UBE2E2: variants seen among roughly 807,000 people sequenced by gnomAD.
UBE2E2 encodes the protein ubiquitin-conjugating enzyme E2 E2.
In UBE2E2, 6 loss-of-function variants were observed where a neutral mutation model predicts 24.7. The observed-to-expected ratio is 0.24, with a 90% CI of 0.13 to 0.48. The LOEUF (loss-of-function observed/expected upper bound fraction) is 0.48, where lower values mean the gene tolerates loss of function less well. Ranked by LOEUF, UBE2E2 falls within the 20% of genes least tolerant of loss-of-function variation. The pLI, the probability that UBE2E2 is intolerant of heterozygous loss-of-function variation, is 0.99. For synonymous variants in UBE2E2, 104 were observed against 83.6 expected (o/e 1.24, Z -1.33); for missense variants, 169 against 245.0 (o/e 0.69, Z 2.07).
At chr3:23,486,267 A>G (rs1214093339) in intron 3 of UBE2E2, among the ~76,000 whole-genome samples, 3 of 152,178 alleles carry the variant, frequency 2.0e-5, no homozygotes, top group Admixed American at 6.5e-5. Flanking sequence ...GCTGTACCAG[A>G]TACACCACAA....
intron 3 of UBE2E2, among the ~76,000 whole-genome samples, chr3:23,492,295 A>G (rs1699516433): frequency 6.6e-6 from 1 of 152,208 alleles, no homozygotes; most frequent in Non-Finnish European, 1.5e-5. Flanking sequence ...GGAAGGATGA[A>G]TTCAGTTACA....
At chr3:23,504,926 T>TTTTTTTTTTTTTTTTTTTTTTAAAGG (rs1232574541) in intron 4 of UBE2E2, among the ~76,000 whole-genome samples, 1 of 147,280 alleles carries the variant, frequency 6.8e-6, no homozygotes, top group Non-Finnish European at 1.5e-5. Flanking sequence ...TTTTTTTTTT[T>TTTTTTTTTTTTTTTTTTTTTTAAAGG]GAGACAGGGT....
At chr3:23,371,979 G>C (rs1696410878) in intron 3 of UBE2E2, among the ~76,000 whole-genome samples, 1 of 152,106 alleles carries the variant, frequency 6.6e-6, no homozygotes, top group African/African-American at 2.4e-5. Context: ...TTAGCCGGCT[G>C]TGGTGGTGGA....
chr3:23,446,528 T>C (rs953438000), intron 3 of UBE2E2, among the ~76,000 whole-genome samples: 2 of 152,086 alleles, frequency 1.3e-5, no homozygotes, highest in Non-Finnish European at 2.9e-5. Flanking sequence ...TATGGTCTCT[T>C]TGCCATTGTG....
intron 5 of UBE2E2, among the ~76,000 whole-genome samples, chr3:23,557,821 C>A (rs1695826770): frequency 6.6e-6 from 1 of 152,184 alleles, no homozygotes; most frequent in African/African-American, 2.4e-5. Context: ...TCTTTATCAG[C>A]AAGTCACTCT....
At chr3:23,289,495 T>C (rs1318992734) in intron 3 of UBE2E2, among the ~76,000 whole-genome samples, 1 of 152,234 alleles carries the variant, frequency 6.6e-6, no homozygotes, top group Non-Finnish European at 1.5e-5. Flanking sequence ...TTGCGACTTC[T>C]AGATACAATT....
chr3:23,419,053 A>G (rs1220013016), intron 3 of UBE2E2, among the ~76,000 whole-genome samples: 1 of 151,444 alleles, frequency 6.6e-6, no homozygotes, highest in South Asian at 2.1e-4. Flanking sequence ...TCCTGGGCCC[A>G]AGGGAACCTC....
chr3:23,403,809 A>G (rs1451502612), intron 3 of UBE2E2, among the ~76,000 whole-genome samples: 1 of 79,172 alleles, frequency 1.3e-5, no homozygotes, highest in Non-Finnish European at 2.4e-5. Context: ...TTCCGTCTCC[A>G]AAAAAAAAAA....
chr3:23,533,075 TAAAA>T (rs1695162256), intron 5 of UBE2E2, among the ~76,000 whole-genome samples: 1 of 152,202 alleles, frequency 6.6e-6, no homozygotes, highest in Non-Finnish European at 1.5e-5. Context: ...TGTGGGCTAT[TAAAA>T]TCTGATAACA....
chr3:23,500,452 A>T (rs146624845), intron 4 of UBE2E2, among the ~76,000 whole-genome samples: 2 of 152,164 alleles, frequency 1.3e-5, no homozygotes, highest in Admixed American at 6.5e-5. Flanking sequence ...TCTACTGCCT[A>T]TAAGTCGGAT....
intron 4 of UBE2E2, among the ~76,000 whole-genome samples, chr3:23,521,660 A>G (rs1694871311): frequency 6.6e-6 from 1 of 152,192 alleles, no homozygotes; most frequent in Admixed American, 6.5e-5. Context: ...GATGGCTTTG[A>G]ATGCGGCCAA....
intron 3 of UBE2E2, among the ~76,000 whole-genome samples, chr3:23,394,570 T>C (rs892251123): frequency 4.5e-4 from 69 of 152,180 alleles, no homozygotes; most frequent in African/African-American, 1.5e-3. Context: ...CAGTGAGGAC[T>C]TGAGGTATCA....
chr3:23,245,273 T>C (rs1040390081), intron 3 of UBE2E2, among the ~76,000 whole-genome samples: 3 of 152,144 alleles, frequency 2.0e-5, no homozygotes, highest in Non-Finnish European at 4.4e-5. Flanking sequence ...TGAAAGAAGA[T>C]GCAAAGAAAA....
intron 3 of UBE2E2, among the ~76,000 whole-genome samples, chr3:23,309,369 A>G (rs1699316792): frequency 6.6e-6 from 1 of 152,232 alleles, no homozygotes; most frequent in African/African-American, 2.4e-5. Flanking sequence ...ACATAGTTAC[A>G]ATAGCTTAGG....
intron 3 of UBE2E2, among the ~76,000 whole-genome samples, chr3:23,467,394 CAA>C (rs972237777): frequency 7.2e-5 from 11 of 152,162 alleles, no homozygotes; most frequent in Non-Finnish European, 1.6e-4. Context: ...CTGCTAGAAA[CAA>C]TGTGAATTTT....
chr3:23,561,127 A>T (rs1181596270), intron 5 of UBE2E2, among the ~76,000 whole-genome samples: 1 of 152,072 alleles, frequency 6.6e-6, no homozygotes, highest in Non-Finnish European at 1.5e-5. Context: ...GGTGTTTTAG[A>T]CATGAAGTCC....
chr3:23,224,794 G>A (rs1405802754), intron 3 of UBE2E2, among the ~76,000 whole-genome samples: 3 of 151,900 alleles, frequency 2.0e-5, no homozygotes, highest in Admixed American at 6.6e-5. Context: ...GAATAATGCT[G>A]TTATGAACAT....
chr3:23,485,785 G>A (rs1378245224), intron 3 of UBE2E2, among the ~76,000 whole-genome samples: 4 of 152,168 alleles, frequency 2.6e-5, no homozygotes, highest in African/African-American at 9.7e-5. Context: ...GAATTTAATG[G>A]GGAGAAGTAT....
intron 5 of UBE2E2, among the ~76,000 whole-genome samples, chr3:23,588,557 C>G (rs2125523652): frequency 6.6e-6 from 1 of 152,098 alleles, no homozygotes; most frequent in East Asian, 1.9e-4. Flanking sequence ...GCTAATATTA[C>G]AAGCATGAGC....
Sources: allele counts gnomAD v4.1 joint callset (sites outside exome capture counted in the v4.1 genomes callset), GRCh38; gene constraint gnomAD v4.1.1; transcripts MANE v1.5; gene names NCBI Gene and HGNC (gene_info 2026-07-23, HGNC 2026-07-21).